Variants in NELL2 observed in about 807,000 individuals in gnomAD.
The protein encoded by NELL2 is protein kinase C-binding protein NELL2.
A neutral mutation model predicts 109.6 loss-of-function variants in NELL2; 41 were observed. The observed-to-expected ratio is 0.37, with a 90% confidence interval of 0.29 to 0.49. NELL2 has a LOEUF of 0.49. Ranked by LOEUF, NELL2 falls within the 20% of genes least tolerant of loss-of-function variation. The pLI is 0.98. For missense variants in NELL2, 900 were observed against 1,008.3 expected (o/e 0.89, Z 1.45); for synonymous variants, 355 against 344.7 (o/e 1.03, Z -0.33).
chr12:44,553,038 A>G (rs1943101331), intron 15 of NELL2, among the ~76,000 whole-genome samples: 1 of 146,696 alleles, frequency 6.8e-6, no homozygotes, highest in Non-Finnish European at 1.5e-5. Flanking sequence ...CAAACACCGC[A>G]TATTCTCACT....
intron 13 of NELL2, among the ~76,000 whole-genome samples, chr12:44,629,007 G>A (rs756414866): frequency 6.6e-6 from 1 of 152,024 alleles, no homozygotes; most frequent in African/African-American, 2.4e-5. Flanking sequence ...ATAATATCAG[G>A]CTTTTATTTG....
chr12:44,590,701 T>C (rs145181218), intron 15 of NELL2, among the ~76,000 whole-genome samples: 32 of 152,190 alleles, frequency 2.1e-4, no homozygotes, highest in African/African-American at 7.2e-4. Flanking sequence ...CTTCAGGACA[T>C]TGGTGTAAGC....
At chr12:44,829,919 T>A (rs1943834484) in intron 2 of NELL2, among the ~76,000 whole-genome samples, 1 of 152,174 alleles carries the variant, frequency 6.6e-6, no homozygotes, top group South Asian at 2.1e-4. Context: ...ATCACAAGGC[T>A]TTCTTTTATT....
chr12:44,777,705 C>T (rs903154125), intron 5 of NELL2, among the ~76,000 whole-genome samples: 2 of 152,218 alleles, frequency 1.3e-5, no homozygotes, highest in Admixed American at 6.5e-5. Flanking sequence ...TTTAAATTAA[C>T]TTTAATTATT....
chr12:44,653,813 A>C (rs770345292), intron 13 of NELL2, among the ~76,000 whole-genome samples: 14 of 152,240 alleles, frequency 9.2e-5, no homozygotes, highest in Non-Finnish European at 1.8e-4. Context: ...TTAACACTTA[A>C]AGTTGCACAT....
chr12:44,615,466 A>C (rs1021488690), intron 13 of NELL2, among the ~76,000 whole-genome samples: 9 of 152,162 alleles, frequency 5.9e-5, no homozygotes, highest in Non-Finnish European at 1.2e-4. Context: ...CAGAAAATTA[A>C]ACTTGACTTG....
chr12:44,890,684 G>A (rs539991778), intron 1 of NELL2, among the ~76,000 whole-genome samples: 1 of 151,106 alleles, frequency 6.6e-6, no homozygotes, highest in East Asian at 1.9e-4. Context: ...TTGCCCCCAA[G>A]GGTTCACACA....
chr12:44,734,181 G>A lies in NELL2; in HGVS notation c.995-19440C>T, dbSNP rs180786925. Among the ~76,000 whole-genome samples, 366 of 151,962 alleles carry A rather than the reference G, an allele frequency of 2.4e-3. 2 individuals are homozygous for A. The highest frequency in any genetic ancestry group is 3.4e-3 in the Middle Eastern group (1 of 294). ...TTTGAGGCTATATTATTAGGTAAAT[G>A]CAAGTTCAAATTGCTAGGTCCTCCT... On this transcript the variant is annotated intron_variant, in intron 9 of 19. Transcript: ENST00000429094.
chr12:44,641,559 G>GA (rs559708609), intron 13 of NELL2, among the ~76,000 whole-genome samples: 77 of 151,302 alleles, frequency 5.1e-4, no homozygotes, highest in Non-Finnish European at 9.7e-4. Context: ...AAGAATAAAA[G>GA]AAAAAAACCC....
At chr12:44,864,320 T>C (rs1047617257) in intron 2 of NELL2, among the ~76,000 whole-genome samples, 2 of 152,112 alleles carry the variant, frequency 1.3e-5, no homozygotes, top group Non-Finnish European at 2.9e-5. Context: ...ACATGCCACC[T>C]ATAAGAGACT....
chr12:44,523,578 T>C, intron 16 of NELL2, 94 bp from the exon 17 acceptor site: 1 of 1,009,444 alleles, frequency 9.9e-7, no homozygotes, highest in Non-Finnish European at 1.5e-6. Flanking sequence ...CATAAGGTAT[T>C]CAACTGTAAA....
At chr12:44,834,611 G>A (rs1943994387) in intron 2 of NELL2, among the ~76,000 whole-genome samples, 1 of 152,112 alleles carries the variant, frequency 6.6e-6, no homozygotes. Context: ...GGCAGGGGTG[G>A]GGCACTAAGG....
chr12:44,791,208 A>G (rs1221231917), intron 3 of NELL2, among the ~76,000 whole-genome samples: 1 of 79,678 alleles, frequency 1.3e-5, no homozygotes, highest in African/African-American at 5.2e-5. Context: ...ATATATATAT[A>G]TATATATATA....
intron 13 of NELL2, among the ~76,000 whole-genome samples, chr12:44,650,047 G>T (rs1051455046): frequency 2.0e-5 from 3 of 152,200 alleles, no homozygotes; most frequent in Non-Finnish European, 4.4e-5. Flanking sequence ...GCCTCAGGCT[G>T]CACTCCTCTC....
At chr12:44,915,825 A>G (rs1402964230), upstream of NELL2, among the ~76,000 whole-genome samples, 3 of 152,142 alleles carry the variant, frequency 2.0e-5, no homozygotes, top group Non-Finnish European at 4.4e-5. Context: ...AACCACCACT[A>G]TTGCTCAGTA....
intron 2 of NELL2, among the ~76,000 whole-genome samples, chr12:44,861,380 G>T (rs1312935342): frequency 6.6e-6 from 1 of 152,100 alleles, no homozygotes; most frequent in Non-Finnish European, 1.5e-5. Context: ...TGCCAAACCG[G>T]ATCCCACAGC....
chr12:44,860,235 A>C (rs1470954838), intron 2 of NELL2, among the ~76,000 whole-genome samples: 2 of 152,232 alleles, frequency 1.3e-5, no homozygotes, highest in African/African-American at 4.8e-5. Context: ...GGTAACTGTC[A>C]ATACCAAGTT....
intron 2 of NELL2, among the ~76,000 whole-genome samples, chr12:44,836,816 T>C (rs1463996340): frequency 6.6e-6 from 1 of 152,210 alleles, no homozygotes; most frequent in Middle Eastern, 3.2e-3. Context: ...TTATGTTCTT[T>C]TGAAATATAA....
At chr12:44,769,034 G>C (rs1448585342) in intron 9 of NELL2, among the ~76,000 whole-genome samples, 1 of 151,882 alleles carries the variant, frequency 6.6e-6, no homozygotes, top group Non-Finnish European at 1.5e-5. Context: ...ATTATATTCT[G>C]CTGATTTTTG....
Sources: gnomAD v4.1 joint callset for allele counts (sites outside exome capture counted in the v4.1 genomes callset) on GRCh38, gnomAD v4.1.1 for gene constraint, MANE v1.5 for transcripts, NCBI Gene and HGNC (gene_info 2026-07-23, HGNC 2026-07-21) for gene names.